Variants in RICTOR observed in about 807,000 individuals in gnomAD.
The protein encoded by RICTOR is RPTOR independent companion of MTOR complex 2.
In RICTOR, 49 loss-of-function variants were observed where a neutral mutation model predicts 214.9. The ratio of observed to expected loss-of-function variants is 0.23; its 90% CI spans 0.18 to 0.29. The LOEUF is 0.29. Among genes scored for constraint, RICTOR ranks in the 10% least tolerant of loss-of-function variants. The pLI is 1.00. For missense variants in RICTOR, 1,625 were observed against 2,047.0 expected (o/e 0.79, Z 3.98); for synonymous variants, 717 against 711.3 (o/e 1.01, Z -0.13).
chr5:39,035,532 A>T (rs1057152921), intron 2 of RICTOR, among the ~76,000 whole-genome samples: 6 of 152,164 alleles, frequency 3.9e-5, no homozygotes, highest in Admixed American at 1.3e-4. Flanking sequence ...CCGAGCTAAA[A>T]GAGGAAGTTC....
At position 38,958,595 on chromosome 5, in the gene RICTOR, T is replaced by C. The variant is rs1177857488; in HGVS notation, c.2343+72A>G. 6 of 1,508,746 alleles carry C rather than the reference T, an allele frequency of 4.0e-6. No homozygotes were observed. In the African/African-American group the frequency reaches 7.0e-5, roughly 18 times the overall value. The allele number at this position is 1,508,746 out of a possible 1,614,324, so 93.5% of individuals were successfully genotyped here. A position where few individuals can be genotyped will look rare whatever the true frequency, so the allele number is the denominator to read the frequency against. The stretch of plus-strand genomic sequence containing the variant: ...TTTTAGTTCCAAAATGCCTATTATA[T>C]ACTTTTACATAATTGTCAAATGAGT... On this transcript the variant is annotated intron_variant, in intron 23 of 37. Transcript: ENST00000357387.
chr5:38,950,560 A>G lies in RICTOR; in HGVS notation c.3288T>C (p.Asn1096=), dbSNP rs769376073. 2 of 1,613,316 alleles carry G rather than the reference A, an allele frequency of 1.2e-6. No homozygotes were observed. Among genetic ancestry groups the G allele is most frequent in the Non-Finnish European group, 1.7e-6 (2 of 1,179,510 alleles). The part of the protein sequence containing the change: ...PFFASSKLVK[N]RILNSLTLPN... ...GCAAAGTAAGCGAATTTAAGATACG[A>G]TTCTTCACAAGTTTACTAGAAGCAA... The change falls in exon 31 of 38, where the codon AAT becomes AAC. Residue 1096 remains asparagine (N), a synonymous_variant. Transcript: ENST00000357387.
At chr5:38,948,761 GC>G (rs1331823927) in intron 31 of RICTOR, among the ~76,000 whole-genome samples, 2 of 152,144 alleles carry the variant, frequency 1.3e-5, no homozygotes, top group East Asian at 3.9e-4. Context: ...ATGAGACATT[GC>G]TGCATAATTT....
At chr5:39,023,650 CCTTT>C (rs1403790035) in intron 2 of RICTOR, among the ~76,000 whole-genome samples, 1 of 152,194 alleles carries the variant, frequency 6.6e-6, no homozygotes, top group African/African-American at 2.4e-5. Flanking sequence ...ATTATGACTT[CCTTT>C]GAGACTTTTA....
chr5:39,073,651 G>A (rs1430232998), intron 2 of RICTOR, among the ~76,000 whole-genome samples: 1 of 152,200 alleles, frequency 6.6e-6, no homozygotes, highest in African/African-American at 2.4e-5. Context: ...CAGTCGGCAA[G>A]CACCGAGCAG....
In RICTOR at chr5:38,967,330, A is replaced by C; in HGVS notation, c.1151+7T>G. The C allele has an allele frequency of 6.2e-7, 1 of 1,610,852 alleles. No individual in the cohort carries two copies. The highest frequency in any genetic ancestry group is 8.5e-7 in the Non-Finnish European group (1 of 1,177,992). Reference sequence around the variant, plus strand: ...TAAATTGAAACCCTTTTTATTTTAAATTCTACCTGGATCTGGCACGATGAG... The same window carrying C: ...TAAATTGAAACCCTTTTTATTTTAACTTCTACCTGGATCTGGCACGATGAG... On this transcript the variant is annotated splice_region_variant and intron_variant, in intron 13 of 37. Transcript: ENST00000357387.
rs1462558694 is a variant in RICTOR, at chr5:38,958,838, G to A, written c.2179-7C>T. 4 of 1,519,112 alleles carry A rather than the reference G, an allele frequency of 2.6e-6. No individual in the cohort carries two copies. The highest frequency in any genetic ancestry group is 3.5e-6 in the Non-Finnish European group (4 of 1,135,328). 94.1% of individuals were successfully genotyped at this position (1,519,112 alleles called of 1,614,324 possible). A position where few individuals can be genotyped will look rare whatever the true frequency, so the allele number is the denominator to read the frequency against. Reference sequence around the variant, plus strand: ...TTGCATAGAGTCTGCAGGCCTATAAGGATAAATGAATACATTAAAAAAAAA... The same window carrying A: ...TTGCATAGAGTCTGCAGGCCTATAAAGATAAATGAATACATTAAAAAAAAA... On this transcript the variant is annotated splice_polypyrimidine_tract_variant and splice_region_variant and intron_variant, in intron 22 of 37. Coordinates refer to ENST00000357387, the MANE Select transcript of RICTOR (RefSeq NM_152756.5).
intron 2 of RICTOR, among the ~76,000 whole-genome samples, chr5:39,041,495 A>G (rs1188671742): frequency 6.6e-6 from 1 of 152,192 alleles, no homozygotes; most frequent in East Asian, 1.9e-4. Context: ...TTAGGAATAC[A>G]ACTCTGGAGA....
intron 2 of RICTOR, among the ~76,000 whole-genome samples, chr5:39,035,291 G>C (rs939605212): frequency 6.6e-6 from 1 of 152,208 alleles, no homozygotes; most frequent in Admixed American, 6.5e-5. Context: ...CTAACAAACA[G>C]AAAGGACATC....
chr5:39,047,168 A>C (rs1487873715), intron 2 of RICTOR, among the ~76,000 whole-genome samples: 1 of 152,190 alleles, frequency 6.6e-6, no homozygotes, highest in Non-Finnish European at 1.5e-5. Flanking sequence ...TATCACTGAG[A>C]CACTTTAGAA....
chr5:38,984,559 A>AT (rs1419752157), intron 7 of RICTOR, among the ~76,000 whole-genome samples: 1 of 152,158 alleles, frequency 6.6e-6, no homozygotes, highest in Non-Finnish European at 1.5e-5. Context: ...TTTACTACAT[A>AT]TTTTTTAAAT....
In RICTOR at chr5:38,989,192, C is replaced by A. The variant is rs538222993; in HGVS notation, c.583+1757G>T. 2.6e-5 allele frequency among the ~76,000 whole-genome samples: 4 copies of A among 152,198 alleles called. No homozygotes were observed. The East Asian group carries it at 7.7e-4, about 29-fold the overall frequency. ...ATAGGCCAATAGAACAGAACAGAGG[C>A]CTCAGAAATAACATCATACATCTAC... On this transcript the variant is annotated intron_variant, in intron 7 of 37. Coordinates refer to ENST00000357387, the MANE Select transcript of RICTOR (RefSeq NM_152756.5).
chr5:39,060,533 G>A (rs72635280), intron 2 of RICTOR, among the ~76,000 whole-genome samples: 2,813 of 151,934 alleles, frequency 0.019, 57 homozygotes, highest in African/African-American at 0.052. Context: ...GTAATAAATT[G>A]TCTTCACCCC....
intron 2 of RICTOR, among the ~76,000 whole-genome samples, chr5:39,069,730 T>TC (rs1195473686): frequency 6.6e-6 from 1 of 152,222 alleles, no homozygotes; most frequent in Non-Finnish European, 1.5e-5. Flanking sequence ...TCTTCTATCA[T>TC]CCGTCAGATT....
intron 2 of RICTOR, among the ~76,000 whole-genome samples, chr5:39,071,339 G>C (rs970999042): frequency 6.6e-5 from 10 of 151,566 alleles, no homozygotes; most frequent in African/African-American, 2.4e-4. Context: ...TAGTATAACA[G>C]TATGTTTCAA....
Position 38,940,386 on chromosome 5 carries a change from A to T in RICTOR, c.*1918T>A, listed in dbSNP as rs991300557. On this transcript the variant is annotated 3_prime_UTR_variant, in exon 38 of 38. Transcript: ENST00000357387. ...TTAATCCCATTATGAATAAGATTAC[A>T]TTACTTCCTTTGGAGGTTTTAACCA... 4.7e-5 allele frequency: 11 copies of T among 232,168 alleles called. No individual in the cohort carries two copies. Among genetic ancestry groups the T allele is most frequent in the Non-Finnish European group, 7.7e-5 (9 of 117,180 alleles). 14.4% of individuals were successfully genotyped at this position (232,168 alleles called of 1,614,324 possible).
At chr5:39,013,837 CACACATACACATTTATAT>C (rs1262375057) in intron 3 of RICTOR, among the ~76,000 whole-genome samples, 1 of 152,088 alleles carries the variant, frequency 6.6e-6, no homozygotes, top group Non-Finnish European at 1.5e-5. Flanking sequence ...GATATATATA[CACACATACACATTTATAT>C]ACACATATCA....
chr5:38,994,418 C>CT (rs1753013441), intron 6 of RICTOR, among the ~76,000 whole-genome samples: 3 of 14,180 alleles, frequency 2.1e-4, no homozygotes, highest in African/African-American at 2.7e-4. Context: ...CAAGGTTTTA[C>CT]TAAAAAAAAA....
chr5:38,962,784 A>G (rs1003190993), intron 17 of RICTOR, 92 bp downstream of exon 17: 1 of 1,056,136 alleles, frequency 9.5e-7, no homozygotes, highest in Non-Finnish European at 1.4e-6. Context: ...CATGAAGAGA[A>G]GTGTAAACTC....
Sources: gnomAD v4.1 joint callset for allele counts (sites outside exome capture counted in the v4.1 genomes callset) on GRCh38, gnomAD v4.1.1 for gene constraint, MANE v1.5 for transcripts, NCBI Gene and HGNC (gene_info 2026-07-23, HGNC 2026-07-21) for gene names.